PARD3: variants seen among roughly 807,000 people sequenced by gnomAD.
PARD3 encodes par-3 family cell polarity regulator, also known as partitioning defective 3 homolog.
Under a neutral mutation model 155.4 loss-of-function variants are expected in PARD3, and 75 were observed. The ratio of observed to expected loss-of-function variants is 0.48; its 90% CI spans 0.40 to 0.58. PARD3 has a LOEUF of 0.58. Among genes scored for constraint, PARD3 ranks in the 20% least tolerant of loss-of-function variants. The pLI is 0.00. For synonymous variants in PARD3, 576 were observed against 610.5 expected, an observed-to-expected ratio of 0.94 and a Z score of 0.83; for missense variants, 1,642 against 1,721.7, an observed-to-expected ratio of 0.95 and a Z score of 0.82.
rs190367916 is a variant in PARD3 at position 34,138,363 on chromosome 10, C to T, written c.3420-6780G>A. 5.1e-3 allele frequency among the ~76,000 whole-genome samples: 771 copies of T among 152,226 alleles called. 9 individuals carry two copies. The highest frequency in any genetic ancestry group is 0.018 in the African/African-American group (747 of 41,534). ...TCTATTCAATTGCTTAGGGTGATACCTTTTGTCGACCTCCCCGCTACTGCA... is the reference window on the plus strand; with the variant it reads ...TCTATTCAATTGCTTAGGGTGATACTTTTTGTCGACCTCCCCGCTACTGCA... On this transcript the variant is annotated intron_variant, in intron 22 of 24. Coordinates refer to ENST00000374788, the MANE Select transcript of PARD3 (RefSeq NM_001184785.2).
At chr10:34,213,328 G>C (rs1475068165) in intron 22 of PARD3, among the ~76,000 whole-genome samples, 2 of 152,168 alleles carry the variant, frequency 1.3e-5, no homozygotes, top group Non-Finnish European at 1.5e-5. Flanking sequence ...ACTCCCACCA[G>C]AGCAAGAACT....
At chr10:34,174,137 T>C (rs542988088) in intron 22 of PARD3, among the ~76,000 whole-genome samples, 1 of 152,142 alleles carries the variant, frequency 6.6e-6, no homozygotes, top group African/African-American at 2.4e-5. Flanking sequence ...ATTAGGAAAA[T>C]GTACTTCAGC....
At chr10:34,534,118 TA>T (rs909286759) in intron 2 of PARD3, among the ~76,000 whole-genome samples, 5 of 151,582 alleles carry the variant, frequency 3.3e-5, no homozygotes, top group African/African-American at 1.2e-4. Context: ...AGGAAAAAAT[TA>T]GCCGGGCATG....
chr10:34,592,776 A>G (rs2088839130), intron 2 of PARD3, among the ~76,000 whole-genome samples: 1 of 152,200 alleles, frequency 6.6e-6, no homozygotes, highest in South Asian at 2.1e-4. Flanking sequence ...CTCTGTCTCA[A>G]AAACTATATA....
In PARD3 at chr10:34,677,373, G is replaced by C. The variant is rs183423049; in HGVS notation, c.222+18945C>G. ...CACATGCCTGTGGTCTCAGCTACTT[G>C]AGAGGCTGAGGTGGGAGGACTGCTT... On this transcript the variant is annotated intron_variant, in intron 2 of 24. Transcript: ENST00000374788. Among the ~76,000 whole-genome samples, 34 of 151,822 alleles carry C rather than the reference G, an allele frequency of 2.2e-4. No homozygotes were observed. The East Asian group carries it at 3.3e-3, about 15-fold the overall frequency.
At chr10:34,651,063 C>T (rs2093001533) in intron 2 of PARD3, among the ~76,000 whole-genome samples, 1 of 138,300 alleles carries the variant, frequency 7.2e-6, no homozygotes, top group African/African-American at 2.7e-5. Context: ...AGTACACTGG[C>T]TCACACTTTG....
intron 5 of PARD3, among the ~76,000 whole-genome samples, chr10:34,418,936 A>G (rs910242097): frequency 2.0e-5 from 3 of 150,984 alleles, no homozygotes; most frequent in South Asian, 2.1e-4. Context: ...ATAACAGGCT[A>G]ATTTTTGTAT....
At chr10:34,778,095 C>G (rs1012344567) in intron 1 of PARD3, among the ~76,000 whole-genome samples, 6 of 152,198 alleles carry the variant, frequency 3.9e-5, no homozygotes, top group African/African-American at 1.2e-4. Flanking sequence ...ATGCTTAACT[C>G]CCTGACATGA....
chr10:34,340,219 T>C (rs892311997), intron 16 of PARD3, among the ~76,000 whole-genome samples: 7 of 152,228 alleles, frequency 4.6e-5, no homozygotes, highest in Non-Finnish European at 7.3e-5. Flanking sequence ...TTCACTAATA[T>C]ACTGCTTTAT....
intron 22 of PARD3, among the ~76,000 whole-genome samples, chr10:34,136,722 TTTCCC>T (rs1159218046): frequency 6.6e-6 from 1 of 152,180 alleles, no homozygotes; most frequent in Admixed American, 6.5e-5. Flanking sequence ...TACCCTCTTC[TTTCCC>T]TTCCATCTTT....
At chr10:34,518,413 G>C (rs2081925814) in intron 2 of PARD3, among the ~76,000 whole-genome samples, 1 of 152,112 alleles carries the variant, frequency 6.6e-6, no homozygotes, top group African/African-American at 2.4e-5. Context: ...GTTGATTTCA[G>C]GGCTGTGGTC....
At chr10:34,310,234 A>G (rs1361911694) in intron 20 of PARD3, among the ~76,000 whole-genome samples, 1 of 152,204 alleles carries the variant, frequency 6.6e-6, no homozygotes, top group Non-Finnish European at 1.5e-5. Context: ...TATTTCCAAC[A>G]TATGTTGTGG....
chr10:34,482,846 C>T (rs2079174206), intron 3 of PARD3, among the ~76,000 whole-genome samples: 1 of 151,414 alleles, frequency 6.6e-6, no homozygotes, highest in African/African-American at 2.4e-5. Flanking sequence ...AGCTATTTTC[C>T]TTAAAATTAA....
intron 13 of PARD3, among the ~76,000 whole-genome samples, 162 bp downstream of exon 13, chr10:34,359,909 C>G (rs565430518): frequency 6.6e-6 from 1 of 152,092 alleles, no homozygotes; most frequent in Non-Finnish European, 1.5e-5. Flanking sequence ...GACTCCATCC[C>G]CACGTGACAC....
chr10:34,657,588 G>A (rs141341650), intron 2 of PARD3, among the ~76,000 whole-genome samples: 5,276 of 152,168 alleles, frequency 0.035, 117 homozygotes, highest in Non-Finnish European at 0.051. Flanking sequence ...GCCCAGACTG[G>A]AGTACAGTGG....
chr10:34,179,161 C>CGT (rs1409441935), intron 22 of PARD3, among the ~76,000 whole-genome samples: 23 of 126,530 alleles, frequency 1.8e-4, no homozygotes, highest in African/African-American at 6.8e-4. Flanking sequence ...CACGCATGTG[C>CGT]GTGCGCGCAC....
At chr10:34,400,809 A>T (rs1311354971) in intron 6 of PARD3, among the ~76,000 whole-genome samples, 1 of 149,536 alleles carries the variant, frequency 6.7e-6, no homozygotes, top group Non-Finnish European at 1.5e-5. Flanking sequence ...CAAATGGTTA[A>T]ATGGATTTTT....
At chr10:34,514,772 ATG>A (rs1303171569) in intron 3 of PARD3, among the ~76,000 whole-genome samples, 3 of 152,248 alleles carry the variant, frequency 2.0e-5, no homozygotes, top group Non-Finnish European at 2.9e-5. Flanking sequence ...GTGGATGGTT[ATG>A]TGTTAGAAAT....
chr10:34,132,285 A>T (rs953322632), intron 22 of PARD3, among the ~76,000 whole-genome samples: 1 of 152,186 alleles, frequency 6.6e-6, no homozygotes, highest in East Asian at 1.9e-4. Context: ...GAAATACCTT[A>T]TAAGATAGGT....
Sources: allele counts gnomAD v4.1 joint callset (sites outside exome capture counted in the v4.1 genomes callset), GRCh38; gene constraint gnomAD v4.1.1; transcripts MANE v1.5; gene names NCBI Gene and HGNC (gene_info 2026-07-23, HGNC 2026-07-21).